BLTP3B: variants seen among roughly 807,000 people sequenced by gnomAD.
The protein encoded by BLTP3B is bridge-like lipid transfer protein family member 3B, also known as UHRF1 (ICBP90) binding protein 1-like.
chr12:100,057,554 C>A, the BLTP3B span: 1 of 1,593,570 alleles, frequency 6.3e-7, no homozygotes, highest in Non-Finnish European at 8.6e-7. Flanking sequence ...AATTCTTAAG[C>A]CGTATCATAA....
chr12:100,070,085 A>G, the BLTP3B span: 1 of 1,457,564 alleles, frequency 6.9e-7, no homozygotes, highest in Non-Finnish European at 9.1e-7. Flanking sequence ...TTGAGTTTCA[A>G]CTGTGCCATT....
At chr12:100,073,281 G>T in the BLTP3B span, among the ~76,000 whole-genome samples, 1 of 151,598 alleles carries the variant, frequency 6.6e-6, no homozygotes, top group Non-Finnish European at 1.5e-5. Flanking sequence ...AAAAATTCTG[G>T]AGACAAATAA....
At chr12:100,071,656 A>G in the BLTP3B span, among the ~76,000 whole-genome samples, 18 of 152,190 alleles carry the variant, frequency 1.2e-4, no homozygotes, top group Non-Finnish European at 2.5e-4. Flanking sequence ...TTAACGTTAG[A>G]AAGCCAAAGA....
the BLTP3B span, chr12:100,103,834 A>G: frequency 6.5e-6 from 8 of 1,227,122 alleles, no homozygotes; most frequent in Non-Finnish European, 8.8e-6. Context: ...TTTCCATGAA[A>G]CAAAAGATTA....
At chr12:100,108,011 G>A in the BLTP3B span, among the ~76,000 whole-genome samples, 1 of 152,096 alleles carries the variant, frequency 6.6e-6, no homozygotes, top group Non-Finnish European at 1.5e-5. Context: ...CAAAGTGCTG[G>A]GATTACAGGT....
At chr12:100,095,781 T>C in the BLTP3B span, 207 of 1,613,458 alleles carry the variant, frequency 1.3e-4, 1 homozygote, top group East Asian at 4.4e-3. Flanking sequence ...TCAAAACCCA[T>C]AATAAGTCAT....
chr12:100,075,962 G>T, the BLTP3B span, among the ~76,000 whole-genome samples: 1 of 152,098 alleles, frequency 6.6e-6, no homozygotes, highest in Admixed American at 6.6e-5. Context: ...AAAGGAGGAT[G>T]GGAGGAAGGG....
chr12:100,052,857 G>A, the BLTP3B span, among the ~76,000 whole-genome samples: 4 of 146,244 alleles, frequency 2.7e-5, no homozygotes, highest in African/African-American at 5.1e-5. Context: ...GCAGTGGTGC[G>A]ATCTCTGCTC....
the BLTP3B span, among the ~76,000 whole-genome samples, chr12:100,038,202 T>C: frequency 8.9e-4 from 136 of 152,324 alleles, no homozygotes; most frequent in Middle Eastern, 0.017. Context: ...GTTAGTTCCA[T>C]TGCTCGGTCG....
At chr12:100,120,793 AAGAG>A in the BLTP3B span, among the ~76,000 whole-genome samples, 3,128 of 149,648 alleles carry the variant, frequency 0.021, 32 homozygotes, top group African/African-American at 0.028. Context: ...ACAATTATGT[AAGAG>A]AGAGAGAGAG....
chr12:100,076,965 G>A, the BLTP3B span, among the ~76,000 whole-genome samples: 2 of 152,048 alleles, frequency 1.3e-5, no homozygotes, highest in Admixed American at 1.3e-4. Context: ...ATATATATGT[G>A]GGGTTTCTTA....
At chr12:100,041,932 T>A in the BLTP3B span, among the ~76,000 whole-genome samples, 1 of 152,124 alleles carries the variant, frequency 6.6e-6, no homozygotes, top group African/African-American at 2.4e-5. Context: ...GGTTGCAGGA[T>A]AAAAATCAAT....
At chr12:100,087,825 C>A in the BLTP3B span, among the ~76,000 whole-genome samples, 101 of 152,284 alleles carry the variant, frequency 6.6e-4, 1 homozygote, top group African/African-American at 2.4e-3. Flanking sequence ...AAAACACTTT[C>A]TCCATTCTCA....
the BLTP3B span, chr12:100,059,645 C>A: frequency 8.0e-7 from 1 of 1,253,378 alleles, no homozygotes; most frequent in Non-Finnish European, 1.1e-6. Context: ...CCCCAAAATA[C>A]TACTTTCCTA....
At chr12:100,108,352 C>A in the BLTP3B span, 2 of 1,583,708 alleles carry the variant, frequency 1.3e-6, no homozygotes, top group African/African-American at 1.4e-5. Flanking sequence ...AAAGGCCTTC[C>A]ACAAATATCA....
At chr12:100,073,355 A>G in the BLTP3B span, among the ~76,000 whole-genome samples, 3 of 147,048 alleles carry the variant, frequency 2.0e-5, no homozygotes, top group East Asian at 5.8e-4. Flanking sequence ...ATATAGATAC[A>G]GACACAGATT....
the BLTP3B span, chr12:100,058,797 A>G: frequency 3.1e-6 from 5 of 1,614,028 alleles, no homozygotes; most frequent in South Asian, 1.1e-5. Flanking sequence ...CAGGAAAAGT[A>G]GAAGCAGATA....
chr12:100,037,748 T>G, the BLTP3B span: 1 of 1,597,708 alleles, frequency 6.3e-7, no homozygotes, highest in Non-Finnish European at 8.5e-7. Context: ...TTCATTCTCT[T>G]CCATGAGCTG....
chr12:100,082,617 C>T, the BLTP3B span, among the ~76,000 whole-genome samples: 1 of 152,206 alleles, frequency 6.6e-6, no homozygotes, highest in Non-Finnish European at 1.5e-5. Context: ...TATGACCAAC[C>T]AGTTATCCCA....
Sources: allele counts gnomAD v4.1 joint callset (sites outside exome capture counted in the v4.1 genomes callset), GRCh38; gene constraint gnomAD v4.1.1; transcripts MANE v1.5; gene names NCBI Gene and HGNC (gene_info 2026-07-23, HGNC 2026-07-21).